Variants in KANK1 observed in about 807,000 individuals in gnomAD.
The protein encoded by KANK1 is KN motif and ankyrin repeat domain-containing protein 1.
KANK1 carries 109 observed loss-of-function variants against 106.2 expected under a neutral mutation model. That is an observed-to-expected ratio of 1.03 (90% CI 0.88 to 1.20). The LOEUF is 1.20. Ranked by LOEUF, KANK1 falls within the 50% of genes most tolerant of loss-of-function variation. The probability of loss-of-function intolerance (pLI) is 0.00; values close to 1 mark genes in which losing one functional copy is unlikely to be tolerated. For synonymous variants in KANK1, 873 were observed against 652.2 expected (o/e 1.34, Z -5.16); for missense variants, 2,399 against 1,710.7 (o/e 1.40, Z -7.10).
chr9:616,508 T>A (rs1453107510), intron 1 of KANK1, among the ~76,000 whole-genome samples: 1 of 152,192 alleles, frequency 6.6e-6, no homozygotes, highest in Non-Finnish European at 1.5e-5. Flanking sequence ...ATCAAAGAAA[T>A]ATTTCATTTA....
chr9:640,196 G>C (rs1476932184), intron 1 of KANK1, among the ~76,000 whole-genome samples: 1 of 152,136 alleles, frequency 6.6e-6, no homozygotes, highest in Non-Finnish European at 1.5e-5. Context: ...GGCAGGGGTA[G>C]TCCATCTGAA....
Position 577,964 on chromosome 9 carries a change from A to C in KANK1, c.-84+73210A>C, listed in dbSNP as rs541385978. Among the ~76,000 whole-genome samples the C allele has an allele frequency of 1.9e-3, 292 of 152,258 alleles. 1 individual carries two copies. Among genetic ancestry groups the C allele is most frequent in the Non-Finnish European group, 3.3e-3 (222 of 68,024 alleles). On this transcript the variant is annotated intron_variant, in intron 1 of 11. Coordinates refer to ENST00000382297, the MANE Select transcript of KANK1 (RefSeq NM_015158.5). ...CAAAGAGTGCTAGTTGTTGATCATTACCTGTGCACACATCATTCCCTCACT... is the reference window on the plus strand; with the variant it reads ...CAAAGAGTGCTAGTTGTTGATCATTCCCTGTGCACACATCATTCCCTCACT...
At chr9:558,937 A>G (rs1011173824) in intron 1 of KANK1, 2 of 150,920 alleles carry the variant, frequency 1.3e-5, no homozygotes, top group African/African-American at 5.0e-5. Flanking sequence ...TAAAAAAAGA[A>G]AAAAAAATTT....
chr9:631,308 G>C (rs1490549242), intron 1 of KANK1, among the ~76,000 whole-genome samples: 1 of 152,200 alleles, frequency 6.6e-6, no homozygotes, highest in Non-Finnish European at 1.5e-5. Context: ...GGCCTCATTA[G>C]CACCCCAGGA....
chr9:727,007 C>G (rs1321713572), intron 3 of KANK1, among the ~76,000 whole-genome samples: 3 of 152,168 alleles, frequency 2.0e-5, no homozygotes, highest in Non-Finnish European at 4.4e-5. Context: ...TTTATTTTCT[C>G]CGTATTATTG....
intron 2 of KANK1, among the ~76,000 whole-genome samples, chr9:691,556 C>T (rs1819910962): frequency 6.7e-6 from 1 of 150,152 alleles, no homozygotes; most frequent in Non-Finnish European, 1.5e-5. Flanking sequence ...CCACTGCACC[C>T]AGCCGATATT....
chr9:605,755 G>A, intron 1 of KANK1, among the ~76,000 whole-genome samples: 1 of 151,714 alleles, frequency 6.6e-6, no homozygotes, highest in Non-Finnish European at 1.5e-5. Flanking sequence ...TAGAGATGGA[G>A]ACCACCCAGT....
chr9:569,879 G>T (rs1029660349), intron 1 of KANK1, among the ~76,000 whole-genome samples: 4 of 151,276 alleles, frequency 2.6e-5, no homozygotes. Flanking sequence ...ATTATTTAGG[G>T]CTTACATTTT....
chr9:554,705 A>G (rs1002339271), intron 1 of KANK1, among the ~76,000 whole-genome samples: 10 of 152,224 alleles, frequency 6.6e-5, no homozygotes, highest in Non-Finnish European at 1.2e-4. Flanking sequence ...TAGGAATGCT[A>G]TGTTTTCTAG....
At chr9:594,852 A>T (rs563770924) in intron 1 of KANK1, among the ~76,000 whole-genome samples, 1 of 151,846 alleles carries the variant, frequency 6.6e-6, no homozygotes, top group East Asian at 1.9e-4. Context: ...TCCTCTTTCA[A>T]CCTTTAATGT....
At position 537,820 on chromosome 9, in the gene KANK1, T is replaced by C. The variant is rs574259129; in HGVS notation, c.-84+33066T>C. Among the ~76,000 whole-genome samples, 7 of 152,320 alleles carry C rather than the reference T, an allele frequency of 4.6e-5. No individual in the cohort carries two copies. The South Asian group carries it at 1.2e-3, about 27-fold the overall frequency. On this transcript the variant is annotated intron_variant, in intron 1 of 11. Coordinates refer to ENST00000382297, the MANE Select transcript of KANK1 (RefSeq NM_015158.5). ...CAGAATAGCCCACAACAAAGAGTTATAGAATGTCAGTAGTGCTGAGGTGGA... is the reference window on the plus strand; with the variant it reads ...CAGAATAGCCCACAACAAAGAGTTACAGAATGTCAGTAGTGCTGAGGTGGA...
chr9:529,532 A>G lies in KANK1; in HGVS notation c.-84+24778A>G, dbSNP rs570443134. Among the ~76,000 whole-genome samples the G allele has an allele frequency of 1.6e-4, 24 of 152,166 alleles. 1 individual carries two copies. The South Asian group carries it at 3.7e-3, about 24-fold the overall frequency. ...ATTTTTAAAATGTGTGTATATGATCATATTCTCTCTCCCTGTGAAATCACA... is the reference window on the plus strand; with the variant it reads ...ATTTTTAAAATGTGTGTATATGATCGTATTCTCTCTCCCTGTGAAATCACA... On this transcript the variant is annotated intron_variant, in intron 1 of 11. Transcript: ENST00000382297.
intron 3 of KANK1, among the ~76,000 whole-genome samples, chr9:727,962 A>G (rs6477171): frequency 0.66 from 100,290 of 151,726 alleles, 34,139 homozygotes; most frequent in African/African-American, 0.82. Flanking sequence ...ATGGGAAGGA[A>G]GTGTCAAACA....
intron 1 of KANK1, among the ~76,000 whole-genome samples, chr9:651,147 C>T (rs965417203): frequency 1.3e-5 from 2 of 152,096 alleles, no homozygotes; most frequent in Admixed American, 6.5e-5. Context: ...TAAAGCATAG[C>T]GACTAAGAAT....
chr9:557,474 C>T (rs571445554), intron 1 of KANK1, among the ~76,000 whole-genome samples: 53 of 152,190 alleles, frequency 3.5e-4, no homozygotes, highest in African/African-American at 1.3e-3. Flanking sequence ...CAGGATCCTA[C>T]CAGATGTTTC....
intron 1 of KANK1, among the ~76,000 whole-genome samples, chr9:577,915 T>A (rs1226658439): frequency 3.3e-5 from 5 of 152,172 alleles, no homozygotes; most frequent in Non-Finnish European, 7.3e-5. Context: ...ACCCTGAAGC[T>A]CACAATGGCA....
At chr9:577,054 A>C (rs898821750) in intron 1 of KANK1, among the ~76,000 whole-genome samples, 36 of 152,118 alleles carry the variant, frequency 2.4e-4, no homozygotes, top group Admixed American at 1.9e-3. Context: ...TGAGGAGTGA[A>C]TCTGCAGACC....
At chr9:569,114 C>G (rs1818545906) in intron 1 of KANK1, among the ~76,000 whole-genome samples, 1 of 152,134 alleles carries the variant, frequency 6.6e-6, no homozygotes, top group African/African-American at 2.4e-5. Context: ...GCCTGACACA[C>G]TACTGTATCC....
At position 585,694 on chromosome 9, in the gene KANK1, ATTGT is replaced by A. The variant is rs370252681; in HGVS notation, c.-84+80944_-84+80947del. On this transcript the variant is annotated intron_variant, in intron 1 of 11. Coordinates refer to ENST00000382297, the MANE Select transcript of KANK1 (RefSeq NM_015158.5). ...TGTTAAGGCATTGTGTGAGGGTTAAATTGTTTGCGAGGTCGGCATTGCTGGGGCT... is the reference window on the plus strand; with the variant it reads ...TGTTAAGGCATTGTGTGAGGGTTAAATTGCGAGGTCGGCATTGCTGGGGCT... Among the ~76,000 whole-genome samples, 82 of 152,258 alleles carry A rather than the reference ATTGT, an allele frequency of 5.4e-4. No individual in the cohort carries two copies. The East Asian group carries it at 0.014, about 25-fold the overall frequency.
Sources: gnomAD v4.1 joint callset for allele counts (sites outside exome capture counted in the v4.1 genomes callset) on GRCh38, gnomAD v4.1.1 for gene constraint, MANE v1.5 for transcripts, NCBI Gene and HGNC (gene_info 2026-07-23, HGNC 2026-07-21) for gene names.